The following ZNF385B variants were observed in gnomAD, a reference collection of about 807,000 sequenced individuals.
The protein encoded by ZNF385B is zinc finger protein 533.
In ZNF385B, 23 loss-of-function variants were observed where a neutral mutation model predicts 39.2. The ratio of observed to expected loss-of-function variants is 0.59; its 90% confidence interval spans 0.42 to 0.83. ZNF385B has a LOEUF of 0.83. ZNF385B is among the 40% of genes least tolerant of loss of function. The pLI is 0.00. For synonymous variants in ZNF385B, 205 were observed against 222.6 expected, an observed-to-expected ratio of 0.92 and a Z score of 0.70; for missense variants, 552 against 598.9, an observed-to-expected ratio of 0.92 and a Z score of 0.82.
rs199674707 is a variant in ZNF385B at position 179,825,902 on chromosome 2, G to GC, written c.-155+35198dup. On this transcript the variant is annotated intron_variant, in intron 1 of 9. Transcript: ENST00000410066. ...TCTTCCCGTTTACCACTTCAGGATT[G>GC]CCCCCCCATCTCTGTCCTCCCATGA... 3.2e-3 allele frequency among the ~76,000 whole-genome samples: 492 copies of GC among 152,010 alleles called. 3 individuals are homozygous for GC. The highest frequency in any genetic ancestry group is 0.02 in the East Asian group (103 of 5,170).
At chr2:179,636,981 A>G (rs758010797) in intron 3 of ZNF385B, among the ~76,000 whole-genome samples, 3 of 152,204 alleles carry the variant, frequency 2.0e-5, no homozygotes, top group Non-Finnish European at 2.9e-5. Context: ...AAATATATCT[A>G]GCCACTCTTG....
chr2:179,560,751 C>A (rs1244231907), intron 3 of ZNF385B, among the ~76,000 whole-genome samples: 2 of 152,110 alleles, frequency 1.3e-5, no homozygotes, highest in Non-Finnish European at 2.9e-5. Context: ...TGGCTCCCAC[C>A]ATAATACTTC....
At chr2:179,697,139 C>T (rs1698827776) in intron 3 of ZNF385B, among the ~76,000 whole-genome samples, 1 of 152,098 alleles carries the variant, frequency 6.6e-6, no homozygotes, top group Admixed American at 6.6e-5. Flanking sequence ...CGAAAATAAG[C>T]ATATGTGCCT....
At chr2:179,615,400 T>C (rs1689649908) in intron 3 of ZNF385B, among the ~76,000 whole-genome samples, 1 of 152,178 alleles carries the variant, frequency 6.6e-6, no homozygotes, top group Admixed American at 6.5e-5. Flanking sequence ...TAAAAATGCA[T>C]GTTATTGGGC....
chr2:179,798,932 C>T (rs1007520779), intron 1 of ZNF385B, among the ~76,000 whole-genome samples: 1 of 151,898 alleles, frequency 6.6e-6, no homozygotes, highest in Non-Finnish European at 1.5e-5. Flanking sequence ...TAGCTACTTG[C>T]CCTTTCTTTC....
intron 6 of ZNF385B, among the ~76,000 whole-genome samples, chr2:179,452,929 T>C (rs149306548): frequency 1.9e-3 from 282 of 152,266 alleles, no homozygotes; most frequent in African/African-American, 6.3e-3. Flanking sequence ...ATTTTACTTA[T>C]GAAAATAGGT....
chr2:179,564,769 T>A (rs1372202184), intron 3 of ZNF385B, among the ~76,000 whole-genome samples: 3 of 152,150 alleles, frequency 2.0e-5, no homozygotes, highest in Non-Finnish European at 4.4e-5. Context: ...TCAACTTTTG[T>A]ATTTCTAACC....
chr2:179,603,134 T>C (rs964532403), intron 3 of ZNF385B, among the ~76,000 whole-genome samples: 2 of 152,196 alleles, frequency 1.3e-5, no homozygotes, highest in Non-Finnish European at 2.9e-5. Flanking sequence ...GAGGAACACA[T>C]TGGTGCTGAA....
chr2:179,792,375 C>T (rs60561995), intron 1 of ZNF385B, among the ~76,000 whole-genome samples: 22,914 of 121,934 alleles, frequency 0.19, 3,386 homozygotes, highest in African/African-American at 0.23. Context: ...ATTTTCTTTT[C>T]TTTTTTTTTT....
At chr2:179,804,727 T>C (rs1391241406) in intron 1 of ZNF385B, among the ~76,000 whole-genome samples, 3 of 152,212 alleles carry the variant, frequency 2.0e-5, no homozygotes, top group African/African-American at 7.2e-5. Flanking sequence ...GAATTTTAGC[T>C]ATTATTTTCT....
At chr2:179,770,817 G>A (rs1279730033) in intron 1 of ZNF385B, 145 bp from the exon 2 acceptor site, 1 of 152,120 alleles carries the variant, frequency 6.6e-6, no homozygotes, top group Non-Finnish European at 1.5e-5. Context: ...TATAAACTAA[G>A]GGAAGATTCG....
chr2:179,598,401 A>T (rs977277245), intron 3 of ZNF385B, among the ~76,000 whole-genome samples: 2 of 152,090 alleles, frequency 1.3e-5, no homozygotes, highest in Admixed American at 1.3e-4. Context: ...TTGTTACATT[A>T]TGCAGCTCAC....
rs2060127532 is a variant in ZNF385B at position 179,544,842 on chromosome 2, A to G, written c.426T>C (p.Phe142=). ...PVDSSSAVGL[F]PNFNTMDPVQ... The stretch of plus-strand genomic sequence containing the variant: ...ATTTACTCACTGTGTTAAAATTTGG[A>G]AAGAGCCCAACAGCAGAACTACTGT... The change falls in exon 4 of 10, where the codon TTT becomes TTC. Residue 142 remains phenylalanine (F), a synonymous_variant. Transcript: ENST00000410066. The G allele has an allele frequency of 6.2e-7, 1 of 1,613,994 alleles. No homozygotes were observed. Among genetic ancestry groups the G allele is most frequent in the Non-Finnish European group, 8.5e-7 (1 of 1,179,972 alleles).
At chr2:179,649,458 G>C (rs1693016715) in intron 3 of ZNF385B, among the ~76,000 whole-genome samples, 1 of 151,972 alleles carries the variant, frequency 6.6e-6, no homozygotes, top group South Asian at 2.1e-4. Context: ...AGGGTGATAG[G>C]GTAACTCACT....
At chr2:179,655,588 G>C (rs1244468109) in intron 3 of ZNF385B, among the ~76,000 whole-genome samples, 1 of 151,982 alleles carries the variant, frequency 6.6e-6, no homozygotes, top group African/African-American at 2.4e-5. Context: ...AACAGGAAGA[G>C]AGAGAAAGAG....
At chr2:179,621,361 G>A (rs879372766) in intron 3 of ZNF385B, among the ~76,000 whole-genome samples, 3 of 152,164 alleles carry the variant, frequency 2.0e-5, no homozygotes, top group Non-Finnish European at 2.9e-5. Context: ...TCAGAATCAA[G>A]AAGTGGTAAT....
intron 3 of ZNF385B, among the ~76,000 whole-genome samples, chr2:179,696,685 T>A (rs1459170132): frequency 1.3e-5 from 2 of 152,186 alleles, no homozygotes; most frequent in East Asian, 3.9e-4. Context: ...CAAATCCAGG[T>A]TTGGTTTTAA....
intron 5 of ZNF385B, among the ~76,000 whole-genome samples, chr2:179,487,250 C>T (rs986869279): frequency 1.3e-5 from 2 of 152,242 alleles, no homozygotes; most frequent in South Asian, 2.1e-4. Flanking sequence ...ACTTCTGCTT[C>T]GAGTTCAGGG....
At chr2:179,777,585 T>A (rs34116576) in intron 1 of ZNF385B, among the ~76,000 whole-genome samples, 54,264 of 151,764 alleles carry the variant, frequency 0.36, 9,778 homozygotes, top group Middle Eastern at 0.48. Flanking sequence ...CTATATTTTT[T>A]AATTTCATGA....
Sources: gnomAD v4.1 joint callset for allele counts (sites outside exome capture counted in the v4.1 genomes callset) on GRCh38, gnomAD v4.1.1 for gene constraint, MANE v1.5 for transcripts, NCBI Gene and HGNC (gene_info 2026-07-23, HGNC 2026-07-21) for gene names.